FHDC1: variants seen among roughly 807,000 people sequenced by gnomAD.
FHDC1 encodes the protein FH2 domain-containing protein 1.
Under a neutral mutation model 52.6 loss-of-function variants are expected in FHDC1, and 25 were observed. The ratio of observed to expected loss-of-function variants is 0.48; its 90% CI spans 0.35 to 0.66. FHDC1 has a LOEUF of 0.66. Among genes scored for constraint, FHDC1 ranks in the 30% least tolerant of loss-of-function variants. The pLI is 0.01. For missense variants in FHDC1, 1,459 were observed against 1,452.8 expected (o/e 1.00, Z -0.07); for synonymous variants, 616 against 581.5 (o/e 1.06, Z -0.85).
chr4:152,951,264 T>C (rs1739917831), intron 2 of FHDC1, among the ~76,000 whole-genome samples: 1 of 152,242 alleles, frequency 6.6e-6, no homozygotes, highest in South Asian at 2.1e-4. Flanking sequence ...TTAATTCTAA[T>C]GAACCCAGTT....
the FHDC1 span, chr4:152,918,545 G>T: frequency 6.6e-6 from 1 of 152,238 alleles, no homozygotes; most frequent in Non-Finnish European, 1.5e-5. Flanking sequence ...AGCCCTAAAA[G>T]AAGTGGAGGA....
the FHDC1 span, among the ~76,000 whole-genome samples, chr4:152,923,788 A>G: frequency 6.6e-6 from 1 of 152,078 alleles, no homozygotes; most frequent in African/African-American, 2.4e-5. Context: ...TGGTGCCTGG[A>G]AAACTGGCTA....
At chr4:152,965,197 A>G (rs902333115) in intron 9 of FHDC1, among the ~76,000 whole-genome samples, 8 of 152,236 alleles carry the variant, frequency 5.3e-5, no homozygotes, top group African/African-American at 1.9e-4. Context: ...ATTTCAGTCT[A>G]TTCTAATGAA....
the FHDC1 span, among the ~76,000 whole-genome samples, chr4:152,920,772 T>C: frequency 6.6e-6 from 1 of 152,270 alleles, no homozygotes; most frequent in East Asian, 1.9e-4. Context: ...TAAAAATCTC[T>C]TGTAATTTTA....
upstream of FHDC1, among the ~76,000 whole-genome samples, chr4:152,934,449 T>C (rs1021091227): frequency 7.9e-5 from 12 of 152,202 alleles, no homozygotes; most frequent in Non-Finnish European, 2.9e-5. Flanking sequence ...CCCGGAGATA[T>C]ACCTTGAAGC....
At chr4:152,937,288 GCGGCCGCCGCAGACC>G (rs1739412156) in intron 1 of FHDC1, among the ~76,000 whole-genome samples, 1 of 152,288 alleles carries the variant, frequency 6.6e-6, no homozygotes, top group East Asian at 1.9e-4. Flanking sequence ...TTGGGAGCGC[GCGGCCGCCGCAGACC>G]CGGTGTCTGC....
In FHDC1 at chr4:152,977,263, A is replaced by G. The variant is rs1453783242; in HGVS notation, c.*540A>G. 5 of 152,190 alleles carry G rather than the reference A, an allele frequency of 3.3e-5. No individual in the cohort carries two copies. Among genetic ancestry groups the G allele is most frequent in the Non-Finnish European group, 7.3e-5 (5 of 68,082 alleles). The allele number at this position is 152,190 out of a possible 1,614,324, so 9.4% of individuals were successfully genotyped here. On this transcript the variant is annotated 3_prime_UTR_variant, in exon 12 of 12. Transcript: ENST00000511601. ...AAAATTTAGCCGAGTGTGGTGGCAC[A>G]TGCCTGTGGCCCCAGCCACTCTGAA...
chr4:152,912,213 G>T, the FHDC1 span: 1 of 151,950 alleles, frequency 6.6e-6, no homozygotes, highest in East Asian at 1.9e-4. Context: ...AAAGAAAAAA[G>T]TAAATCAATA....
chr4:152,968,959 G>C (rs1740551027), intron 10 of FHDC1, among the ~76,000 whole-genome samples: 1 of 152,116 alleles, frequency 6.6e-6, no homozygotes, highest in African/African-American at 2.4e-5. Context: ...AGTACGCAGG[G>C]CCCACAGGGT....
intron 10 of FHDC1, among the ~76,000 whole-genome samples, chr4:152,968,476 A>G (rs539243375): frequency 6.6e-6 from 1 of 151,994 alleles, no homozygotes; most frequent in South Asian, 2.1e-4. Flanking sequence ...ACAGGCATGC[A>G]CCACCACACC....
At chr4:152,974,098 T>C (rs1268208958) in intron 11 of FHDC1, among the ~76,000 whole-genome samples, 2 of 152,244 alleles carry the variant, frequency 1.3e-5, no homozygotes, top group African/African-American at 2.4e-5. Context: ...CTTAATATTG[T>C]GGCTATACAT....
chr4:152,930,260 C>T, the FHDC1 span, among the ~76,000 whole-genome samples: 1 of 152,160 alleles, frequency 6.6e-6, no homozygotes, highest in South Asian at 2.1e-4. Flanking sequence ...TTGCTCTTTT[C>T]TCTGGCATAG....
At chr4:152,919,223 A>C in the FHDC1 span, among the ~76,000 whole-genome samples, 1 of 152,256 alleles carries the variant, frequency 6.6e-6, no homozygotes, top group Non-Finnish European at 1.5e-5. Context: ...CCTTGAAGGT[A>C]AATACTACAA....
chr4:152,927,745 A>G, the FHDC1 span: 1 of 1,429,926 alleles, frequency 7.0e-7, no homozygotes, highest in Non-Finnish European at 9.9e-7. Flanking sequence ...AGGAACTAAT[A>G]GAAAAGCAAC....
chr4:152,965,255 G>A (rs778517301), intron 9 of FHDC1, among the ~76,000 whole-genome samples: 2 of 152,164 alleles, frequency 1.3e-5, no homozygotes, highest in Admixed American at 6.5e-5. Context: ...ATCCCTCCAC[G>A]CCCAAGAGAT....
rs1209612590 is a variant in FHDC1, at chr4:152,976,942, C to A, written c.*219C>A. On this transcript the variant is annotated 3_prime_UTR_variant, in exon 12 of 12. Coordinates refer to ENST00000511601, the MANE Select transcript of FHDC1 (RefSeq NM_001371116.1). ...TCCAGCGTCCAGATGGATGCACGTT[C>A]ACTACTGTGACGGCCGCACCTCCCC... The A allele has an allele frequency of 6.4e-6, 3 of 465,900 alleles. No individual in the cohort carries two copies. Among genetic ancestry groups the A allele is most frequent in the Non-Finnish European group, 1.1e-5 (3 of 280,044 alleles). The allele number at this position is 465,900 out of a possible 1,614,324, so 28.9% of individuals were successfully genotyped here.
rs939745456 is a variant in FHDC1 at position 152,976,093 on chromosome 4, C to T, written c.2802C>T (p.Ser934=). 6.2e-7 allele frequency: 1 copy of T among 1,609,640 alleles called. No individual in the cohort carries two copies. The highest frequency in any genetic ancestry group is 8.5e-7 in the Non-Finnish European group (1 of 1,178,344). ...GGCCCTCCCAGAATCCCCCCAGCAG[C>T]ACAGATACTGTGTGGTCACGCCAGA... ...SRGPSQNPPS[S]TDTVWSRQNS... The change falls in exon 12 of 12, where the codon AGC becomes AGT. Residue 934 remains serine, a synonymous_variant. Transcript: ENST00000511601.
At chr4:152,915,717 T>C in the FHDC1 span, among the ~76,000 whole-genome samples, 1 of 152,264 alleles carries the variant, frequency 6.6e-6, no homozygotes, top group Admixed American at 6.5e-5. Context: ...CTGAAATAAT[T>C]GATTTACACA....
chr4:152,946,760 A>G (rs984318879), intron 2 of FHDC1, among the ~76,000 whole-genome samples: 1 of 152,152 alleles, frequency 6.6e-6, no homozygotes, highest in Non-Finnish European at 1.5e-5. Flanking sequence ...TTGAAATATC[A>G]TAACCTCCTA....
Sources: allele counts gnomAD v4.1 joint callset (sites outside exome capture counted in the v4.1 genomes callset), GRCh38; gene constraint gnomAD v4.1.1; transcripts MANE v1.5; gene names NCBI Gene and HGNC (gene_info 2026-07-23, HGNC 2026-07-21).